CEMIP: variants seen among roughly 807,000 people sequenced by gnomAD.
CEMIP encodes the protein cell migration inducing hyaluronidase 1, also known as cell migration-inducing and hyaluronan-binding protein.
Under a neutral mutation model 156.9 loss-of-function variants are expected in CEMIP, and 105 were observed. That is an observed-to-expected ratio of 0.67 (90% CI 0.57 to 0.79). CEMIP has a LOEUF of 0.79. Ranked by LOEUF, CEMIP falls within the 30% of genes least tolerant of loss-of-function variation. CEMIP has a pLI of 0.00. For synonymous variants in CEMIP, 676 were observed against 668.4 expected, an observed-to-expected ratio of 1.01 and a Z score of -0.17; for missense variants, 1,457 against 1,769.4, an observed-to-expected ratio of 0.82 and a Z score of 3.17.
chr15:80,888,240 T>G (rs1898916784), intron 8 of CEMIP, among the ~76,000 whole-genome samples: 1 of 151,108 alleles, frequency 6.6e-6, no homozygotes. Flanking sequence ...GGCATGGTGG[T>G]GGGCACCTGT....
chr15:80,910,065 G>A lies in CEMIP; in HGVS notation c.1797+759G>A, dbSNP rs184466660. On this transcript the variant is annotated intron_variant, in intron 14 of 29. Transcript: ENST00000394685. ...ATATCCTCTATAAACTTTAAAACCG[G>A]ATGTCACAGAATGACACCCTTTAAG... 2.6e-3 allele frequency among the ~76,000 whole-genome samples: 399 copies of A among 152,264 alleles called. 1 individual carries two copies. The highest frequency in any genetic ancestry group is 9.1e-3 in the African/African-American group (379 of 41,556).
At chr15:80,811,589 C>T (rs559987465) in intron 1 of CEMIP, among the ~76,000 whole-genome samples, 1 of 152,358 alleles carries the variant, frequency 6.6e-6, no homozygotes, top group South Asian at 2.1e-4. Context: ...GAGTCTCACT[C>T]TCTTACCCAG....
intron 25 of CEMIP, 139 bp from the exon 26 acceptor site, chr15:80,941,710 T>C: frequency 1.4e-6 from 1 of 736,450 alleles, no homozygotes; most frequent in Non-Finnish European, 2.4e-6. Context: ...TGCAACTCGG[T>C]GGTAGACATG....
At chr15:80,789,984 G>C (rs572837212) in intron 1 of CEMIP, among the ~76,000 whole-genome samples, 220 of 152,332 alleles carry the variant, frequency 1.4e-3, no homozygotes, top group Non-Finnish European at 2.4e-3. Context: ...GAGGGGCAGA[G>C]AGGCAGAGTC....
chr15:80,839,094 G>A (rs890369479), intron 1 of CEMIP, among the ~76,000 whole-genome samples: 5 of 152,192 alleles, frequency 3.3e-5, no homozygotes, highest in Non-Finnish European at 7.3e-5. Context: ...CTGGGGTTGA[G>A]GTGTTCGGGG....
chr15:80,939,030 T>C (rs1901242526), intron 25 of CEMIP, among the ~76,000 whole-genome samples: 1 of 151,886 alleles, frequency 6.6e-6, no homozygotes, highest in Admixed American at 6.5e-5. Context: ...AATGTTGGGA[T>C]GGGAGGGCAA....
chr15:80,907,972 G>T (rs1004512194), intron 13 of CEMIP, among the ~76,000 whole-genome samples: 1 of 152,172 alleles, frequency 6.6e-6, no homozygotes, highest in Non-Finnish European at 1.5e-5. Context: ...CACAATGGGG[G>T]CCCTACTGGC....
At position 80,942,093 on chromosome 15, in the gene CEMIP, C is replaced by T. The variant is rs111347477; in HGVS notation, c.3612+40C>T. ...GCAAAGCCTAGACCCCTTTGCCGTC[C>T]AGTCGGGCCTAGAGCCCTTTGCCGT... On this transcript the variant is annotated intron_variant, in intron 26 of 29. Transcript: ENST00000394685. 3,745 of 1,590,086 alleles carry T rather than the reference C, an allele frequency of 2.4e-3. 78 individuals are homozygous for T. In the African/African-American group the frequency reaches 0.044, roughly 19 times the overall value.
intron 1 of CEMIP, among the ~76,000 whole-genome samples, chr15:80,856,882 C>T (rs975660672): frequency 2.0e-5 from 3 of 152,182 alleles, no homozygotes; most frequent in African/African-American, 7.2e-5. Flanking sequence ...ATTTCACCTG[C>T]GTGCAGGGAT....
intron 29 of CEMIP, chr15:80,947,787 TACTC>T (rs1901626545): frequency 1.3e-5 from 2 of 152,578 alleles, no homozygotes; most frequent in African/African-American, 4.8e-5. Context: ...TTATCTCACT[TACTC>T]ATTAATAACC....
Position 80,941,994 on chromosome 15 carries a change from T to G in CEMIP, c.3553T>G (p.Phe1185Val). Residue 1185 changes from phenylalanine to valine, a missense_variant, in exon 26 of 30, where the codon TTC becomes GTC. Around this residue, in one of 5 missense-constraint regions of CEMIP, gnomAD observed 798 missense variants for 980.1 expected, o/e 0.81. Coordinates refer to ENST00000394685, the MANE Select transcript of CEMIP (RefSeq NM_001293298.2). ...SDCTATAYPKFTERAVVDVPM... is the reference protein window; with the variant it reads ...SDCTATAYPKVTERAVVDVPM... ...CTGCACAGCCACAGCTTACCCCAAG[T>G]TCACCGAGAGGGCTGTCGTAGACGT... is the stretch of plus-strand genomic sequence containing the variant. 1 of 1,613,892 alleles carries G rather than the reference T, an allele frequency of 6.2e-7. No homozygotes were observed. Among genetic ancestry groups the G allele is most frequent in the Non-Finnish European group, 8.5e-7 (1 of 1,179,944 alleles).
intron 12 of CEMIP, among the ~76,000 whole-genome samples, chr15:80,905,895 C>G (rs1234804180): frequency 6.6e-6 from 1 of 152,094 alleles, no homozygotes; most frequent in Admixed American, 6.5e-5. Flanking sequence ...GAGCTCAGTA[C>G]AGAGTTGGGT....
intron 1 of CEMIP, among the ~76,000 whole-genome samples, chr15:80,789,117 G>A (rs1896016642): frequency 6.6e-6 from 1 of 152,012 alleles, no homozygotes; most frequent in African/African-American, 2.4e-5. Context: ...CCACTTCCAG[G>A]GCCCATTCTG....
rs576962508 is a variant in CEMIP, at chr15:80,928,050, T to C, written c.2421-852T>C. 2.6e-5 allele frequency among the ~76,000 whole-genome samples: 4 copies of C among 152,202 alleles called. No individual in the cohort carries two copies. In the East Asian group the frequency reaches 7.7e-4, roughly 29 times the overall value. On this transcript the variant is annotated intron_variant, in intron 19 of 29. Coordinates refer to ENST00000394685, the MANE Select transcript of CEMIP (RefSeq NM_001293298.2). ...CCCTTGAGCTTGGATCTATGAAGGATATAAAGCCACGGAAGTTTTAGGGAC... is the reference window on the plus strand; with the variant it reads ...CCCTTGAGCTTGGATCTATGAAGGACATAAAGCCACGGAAGTTTTAGGGAC...
chr15:80,798,039 C>T (rs1372338567), intron 1 of CEMIP, among the ~76,000 whole-genome samples: 2 of 152,072 alleles, frequency 1.3e-5, no homozygotes, highest in African/African-American at 4.8e-5. Flanking sequence ...TATTTTATTA[C>T]TTTTTAAAAA....
In CEMIP at chr15:80,926,095, T is replaced by C. The variant is rs369084173; in HGVS notation, c.2420+340T>C. Among the ~76,000 whole-genome samples, 14 of 152,352 alleles carry C rather than the reference T, an allele frequency of 9.2e-5. No homozygotes were observed. The East Asian group carries it at 2.3e-3, about 25-fold the overall frequency. ...GCCAGAACATTCTAGGCACTTACTA[T>C]GTGAAAGCCTTGGTTGCATTTCTTT... On this transcript the variant is annotated intron_variant, in intron 19 of 29. Transcript: ENST00000394685.
chr15:80,906,819 C>T lies in CEMIP; in HGVS notation c.1568C>T (p.Thr523Ile), dbSNP rs1025345003. The T allele has an allele frequency of 4.3e-6, 7 of 1,613,588 alleles. No individual in the cohort carries two copies. Among genetic ancestry groups the T allele is most frequent in the Middle Eastern group, 1.6e-4 (1 of 6,084 alleles). ...ATCTGCAATTTCTTTGACTTCGATA[C>T]CTTTGGGGGCCACATCAAGGTATGT... is the stretch of plus-strand genomic sequence containing the variant. Reference protein sequence around the residue: ...NHICNFFDFDTFGGHIKFALG... With the variant: ...NHICNFFDFDIFGGHIKFALG... Residue 523 changes from threonine (T) to isoleucine (I), a missense_variant, in exon 13 of 30, where the codon ACC (threonine) becomes ATC (isoleucine). By Grantham distance (89) the Thr-to-Ile change is moderately conservative. This residue lies in a region of CEMIP where 280 missense variants were observed against 300.3 expected (regional missense o/e 0.93). Transcript: ENST00000394685. The surrounding 1 kb of genome is among the most constrained non-coding windows in gnomAD (Gnocchi z 4.3).
intron 1 of CEMIP, among the ~76,000 whole-genome samples, chr15:80,852,924 C>T (rs1471350650): frequency 2.6e-5 from 4 of 152,136 alleles, no homozygotes; most frequent in South Asian, 2.1e-4. Flanking sequence ...CAAAATGTCC[C>T]GGTGGCCCAC....
chr15:80,929,431 G>A (rs1900820938), intron 21 of CEMIP, among the ~76,000 whole-genome samples: 1 of 152,218 alleles, frequency 6.6e-6, no homozygotes, highest in African/African-American at 2.4e-5. Flanking sequence ...CCTGGGCTAT[G>A]TTAATGGGAA....
Sources: allele counts gnomAD v4.1 joint callset (sites outside exome capture counted in the v4.1 genomes callset), GRCh38; gene constraint gnomAD v4.1.1; regional missense constraint gnomAD v4.1.1; non-coding constraint Gnocchi (gnomAD v3.1); transcripts MANE v1.5; gene names NCBI Gene and HGNC (gene_info 2026-07-23, HGNC 2026-07-21).